LIMD1: variants seen among roughly 807,000 people sequenced by gnomAD.
LIMD1 encodes the protein LIM domain-containing protein 1.
LIMD1 carries 23 observed loss-of-function variants against 58.4 expected under a neutral mutation model. The ratio of observed to expected loss-of-function variants is 0.39; its 90% CI spans 0.28 to 0.56. The LOEUF is 0.56. Ranked by LOEUF, LIMD1 falls within the 20% of genes least tolerant of loss-of-function variation. The pLI, the probability that LIMD1 is intolerant of heterozygous loss-of-function variation, is 0.57. For synonymous variants in LIMD1, 334 were observed against 345.5 expected, an observed-to-expected ratio of 0.97 and a Z score of 0.37; for missense variants, 838 against 855.5, an observed-to-expected ratio of 0.98 and a Z score of 0.25.
chr3:45,655,553 T>C (rs1262428495), intron 2 of LIMD1, among the ~76,000 whole-genome samples: 2 of 152,170 alleles, frequency 1.3e-5, no homozygotes, highest in Non-Finnish European at 2.9e-5. Context: ...GACTTGGTGG[T>C]TCTCAAAGTG....
intron 2 of LIMD1, among the ~76,000 whole-genome samples, chr3:45,654,013 T>C (rs1471174448): frequency 2.6e-5 from 4 of 152,024 alleles, no homozygotes; most frequent in Admixed American, 6.5e-5. Flanking sequence ...ATGCAGATAT[T>C]CTAAAGCTTC....
chr3:45,679,000 A>G lies in LIMD1; in HGVS notation c.*1941A>G, dbSNP rs561666959. On this transcript the variant is annotated 3_prime_UTR_variant, in exon 8 of 8. Coordinates refer to ENST00000273317, the MANE Select transcript of LIMD1 (RefSeq NM_014240.3). Reference sequence around the variant, plus strand: ...GAGGTGGGGACCCTCTCTTCCCATCAAATCATCCAGCTCAGTGTGGGGCGT... The same window carrying G: ...GAGGTGGGGACCCTCTCTTCCCATCGAATCATCCAGCTCAGTGTGGGGCGT... The G allele has an allele frequency of 1.8e-4, 28 of 152,290 alleles. No homozygotes were observed. Among genetic ancestry groups the G allele is most frequent in the Admixed American group, 8.5e-4 (13 of 15,280 alleles). The allele number at this position is 152,290 out of a possible 1,614,324, so 9.4% of individuals were successfully genotyped here.
intron 1 of LIMD1, among the ~76,000 whole-genome samples, chr3:45,596,903 C>G (rs1292911599): frequency 6.7e-6 from 1 of 150,120 alleles, no homozygotes; most frequent in Admixed American, 6.6e-5. Context: ...GTTCTGTAGC[C>G]CAGGCTAGAG....
At chr3:45,616,126 C>T (rs1701574061) in intron 1 of LIMD1, among the ~76,000 whole-genome samples, 3 of 152,104 alleles carry the variant, frequency 2.0e-5, no homozygotes, top group Admixed American at 2.0e-4. Flanking sequence ...TTGTGTCACC[C>T]CAGTTTCTGC....
At chr3:45,657,280 A>G (rs2125665938) in intron 2 of LIMD1, among the ~76,000 whole-genome samples, 1 of 152,320 alleles carries the variant, frequency 6.6e-6, no homozygotes, top group East Asian at 1.9e-4. Flanking sequence ...CTGTCATCAC[A>G]AGGAGTTTTT....
intron 1 of LIMD1, 69 bp downstream of exon 1, chr3:45,596,356 C>A: frequency 7.9e-7 from 1 of 1,264,974 alleles, no homozygotes; most frequent in Non-Finnish European, 1.1e-6. Flanking sequence ...GAACATGCCC[C>A]CTACCAGGGA....
At chr3:45,674,842 G>C (rs941198040) in intron 7 of LIMD1, among the ~76,000 whole-genome samples, 1 of 152,156 alleles carries the variant, frequency 6.6e-6, no homozygotes, top group Non-Finnish European at 1.5e-5. Context: ...GCCCCTCTTG[G>C]AAACAGGCAT....
At chr3:45,657,108 C>A (rs1037798317) in intron 2 of LIMD1, among the ~76,000 whole-genome samples, 11 of 152,154 alleles carry the variant, frequency 7.2e-5, no homozygotes, top group African/African-American at 1.2e-4. Flanking sequence ...TGGGGTGATT[C>A]AGCCTGGAGA....
rs1416718412 is a variant in LIMD1, at chr3:45,595,376, G to C, written c.497G>C (p.Gly166Ala). The C allele has an allele frequency of 2.5e-6, 4 of 1,613,806 alleles. No homozygotes were observed. Among genetic ancestry groups the C allele is most frequent in the Non-Finnish European group, 3.4e-6 (4 of 1,180,038 alleles). Reference sequence around the variant, plus strand: ...GAGATGTCTGCTTTCCACCAGCCAGGCCCCTGTGAGGATCCTTCCTGCCTC... The same window carrying C: ...GAGATGTCTGCTTTCCACCAGCCAGCCCCCTGTGAGGATCCTTCCTGCCTC... ...TSEMSAFHQP[G>A]PCEDPSCLTH... Residue 166 changes from glycine (G) to alanine (A), a missense_variant, in exon 1 of 8, where the codon GGC (glycine) becomes GCC (alanine). This residue lies in a region of LIMD1 where 659 missense variants were observed against 639.8 expected (regional missense o/e 1.03). Transcript: ENST00000273317.
intron 2 of LIMD1, among the ~76,000 whole-genome samples, chr3:45,660,195 T>A (rs1381319790): frequency 6.6e-6 from 1 of 152,170 alleles, no homozygotes; most frequent in Non-Finnish European, 1.5e-5. Flanking sequence ...CGCCGTTTCC[T>A]GGTGGCCTCC....
In LIMD1 at chr3:45,678,667, C is replaced by G. The variant is rs763236947; in HGVS notation, c.*1608C>G. On this transcript the variant is annotated 3_prime_UTR_variant, in exon 8 of 8. Transcript: ENST00000273317. ...TGCACTCTGCCTCCTCACCTTGCAC[C>G]CAGAGCAAGAGGACTGGGTGCTGGG... is the stretch of plus-strand genomic sequence containing the variant. 1 of 152,192 alleles carries G rather than the reference C, an allele frequency of 6.6e-6. No homozygotes were observed. The highest frequency in any genetic ancestry group is 1.5e-5 in the Non-Finnish European group (1 of 68,040). 9.4% of individuals were successfully genotyped at this position (152,192 alleles called of 1,614,324 possible).
chr3:45,649,707 T>C (rs71325081), intron 2 of LIMD1, among the ~76,000 whole-genome samples: 184 of 91,466 alleles, frequency 2.0e-3, no homozygotes, highest in Non-Finnish European at 4.2e-3. Flanking sequence ...TATATATGTA[T>C]ACATATATAT....
chr3:45,615,852 A>G (rs1701570880), intron 1 of LIMD1, among the ~76,000 whole-genome samples: 1 of 144,690 alleles, frequency 6.9e-6, no homozygotes. Context: ...CTGTATGTCC[A>G]TAGGGAGGGG....
chr3:45,621,891 C>G (rs1236304186), intron 1 of LIMD1, among the ~76,000 whole-genome samples: 1 of 151,912 alleles, frequency 6.6e-6, no homozygotes, highest in Admixed American at 6.6e-5. Flanking sequence ...GCTGAAACCC[C>G]GTGTGTACTA....
chr3:45,647,393 G>A (rs1025046320), intron 2 of LIMD1, among the ~76,000 whole-genome samples: 6 of 152,200 alleles, frequency 3.9e-5, no homozygotes, highest in African/African-American at 1.4e-4. Context: ...GAGGCTGGCT[G>A]AGTGTGGATC....
In LIMD1 at chr3:45,604,768, C is replaced by T. The variant is rs929729494; in HGVS notation, c.1408+8481C>T. 3.3e-5 allele frequency among the ~76,000 whole-genome samples: 5 copies of T among 152,150 alleles called. 1 individual carries two copies. Among genetic ancestry groups the T allele is most frequent in the South Asian group, 4.1e-4 (2 of 4,826 alleles). The stretch of plus-strand genomic sequence containing the variant: ...TGGGAGCTGTAGCCCTGGCGCGTCC[C>T]GACATGGATTCCCACAGCGTCTGCC... On this transcript the variant is annotated intron_variant, in intron 1 of 7. Coordinates refer to ENST00000273317, the MANE Select transcript of LIMD1 (RefSeq NM_014240.3).
intron 2 of LIMD1, among the ~76,000 whole-genome samples, chr3:45,648,787 C>A (rs566052341): frequency 1.2e-3 from 3 of 2,484 alleles, no homozygotes; most frequent in African/African-American, 1.7e-3. Flanking sequence ...GAAGTTGGAT[C>A]TCATTGTGGG....
In LIMD1 at chr3:45,595,134, C is replaced by T. The variant is rs1701330868; in HGVS notation, c.255C>T (p.Gly85=). ...CTGTCAATGGAGGGGGCCGCCTGGG[C>T]CCACAGGCCCGTTGGGAAGTTGTGG... is the stretch of plus-strand genomic sequence containing the variant. ...RGPVNGGGRL[G]PQARWEVVGS... Residue 85 remains glycine (G), a synonymous_variant, in exon 1 of 8, where the codon GGC becomes GGT. Coordinates refer to ENST00000273317, the MANE Select transcript of LIMD1 (RefSeq NM_014240.3). 3 of 1,605,798 alleles carry T rather than the reference C, an allele frequency of 1.9e-6. No individual in the cohort carries two copies. Among genetic ancestry groups the T allele is most frequent in the Non-Finnish European group, 2.6e-6 (3 of 1,175,650 alleles).
chr3:45,595,124 G>C lies in LIMD1; in HGVS notation c.245G>C (p.Gly82Ala). The C allele has an allele frequency of 6.2e-7, 1 of 1,607,492 alleles. No homozygotes were observed. The highest frequency in any genetic ancestry group is 8.5e-7 in the Non-Finnish European group (1 of 1,176,490). Residue 82 changes from glycine to alanine, a missense_variant, in exon 1 of 8, where the codon GGC becomes GCC. This residue lies in a region of LIMD1 where 659 missense variants were observed against 639.8 expected (regional missense o/e 1.03). Transcript: ENST00000273317. ...AGTAGAGGCCCTGTCAATGGAGGGG[G>C]CCGCCTGGGCCCACAGGCCCGTTGG... is the stretch of plus-strand genomic sequence containing the variant. ...RGSRGPVNGGGRLGPQARWEV... is the reference protein window; with the variant it reads ...RGSRGPVNGGARLGPQARWEV...
Sources: allele counts gnomAD v4.1 joint callset (sites outside exome capture counted in the v4.1 genomes callset), GRCh38; gene constraint gnomAD v4.1.1; regional missense constraint gnomAD v4.1.1; transcripts MANE v1.5; gene names NCBI Gene and HGNC (gene_info 2026-07-23, HGNC 2026-07-21).